FRMD3: variants seen among roughly 807,000 people sequenced by gnomAD.
FRMD3 encodes the protein FERM domain containing 3.
Under a neutral mutation model 70.2 loss-of-function variants are expected in FRMD3, and 33 were observed. That is an observed-to-expected ratio of 0.47 (90% CI 0.36 to 0.63). FRMD3 has a LOEUF of 0.63. FRMD3 is among the 20% of genes least tolerant of loss of function. The pLI, the probability that FRMD3 is intolerant of heterozygous loss-of-function variation, is 0.00. For missense variants in FRMD3, 632 were observed against 711.4 expected, an observed-to-expected ratio of 0.89 and a Z score of 1.27; for synonymous variants, 279 against 255.9, an observed-to-expected ratio of 1.09 and a Z score of -0.86.
intron 1 of FRMD3, among the ~76,000 whole-genome samples, chr9:83,507,211 A>G (rs141517447): frequency 0.013 from 2,046 of 151,780 alleles, 58 homozygotes; most frequent in African/African-American, 0.047. Context: ...TACTAAAAAT[A>G]CAAAAATTAG....
chr9:83,472,050 T>G (rs779673279), intron 1 of FRMD3, among the ~76,000 whole-genome samples: 1 of 152,196 alleles, frequency 6.6e-6, no homozygotes, highest in Non-Finnish European at 1.5e-5. Flanking sequence ...GAACATTCAT[T>G]TGCTCATTCA....
At chr9:83,327,109 G>A (rs1208228972) in intron 6 of FRMD3, among the ~76,000 whole-genome samples, 1 of 152,208 alleles carries the variant, frequency 6.6e-6, no homozygotes, top group African/African-American at 2.4e-5. Context: ...AGGGAAGGGA[G>A]TGGTTCTGGT....
At chr9:83,399,767 C>T (rs1052664692) in intron 1 of FRMD3, among the ~76,000 whole-genome samples, 2 of 152,020 alleles carry the variant, frequency 1.3e-5, no homozygotes, top group Admixed American at 6.6e-5. Flanking sequence ...AAATAACTTC[C>T]TCAACTTGAT....
intron 3 of FRMD3, among the ~76,000 whole-genome samples, chr9:83,368,319 T>TTTTTATTTTA (rs4011703): frequency 4.0e-5 from 6 of 149,718 alleles, no homozygotes; most frequent in African/African-American, 1.2e-4. Context: ...GTTAATATAT[T>TTTTTATTTTA]TTTTATTTTA....
intron 1 of FRMD3, among the ~76,000 whole-genome samples, chr9:83,430,143 C>G (rs1826929564): frequency 6.6e-6 from 1 of 152,206 alleles, no homozygotes; most frequent in Non-Finnish European, 1.5e-5. Flanking sequence ...GGTCTCAACA[C>G]CTCTAGTTGA....
intron 13 of FRMD3, among the ~76,000 whole-genome samples, chr9:83,263,527 T>G (rs1408576573): frequency 6.6e-6 from 1 of 152,116 alleles, no homozygotes; most frequent in Admixed American, 6.5e-5. Context: ...CCCACCAAAG[T>G]CAGGAACATT....
chr9:83,403,425 T>G (rs1187983256), intron 1 of FRMD3, among the ~76,000 whole-genome samples: 1 of 152,088 alleles, frequency 6.6e-6, no homozygotes, highest in Non-Finnish European at 1.5e-5. Flanking sequence ...GGATAATGTT[T>G]TAAAGGGGCT....
chr9:83,538,548 C>T, upstream of FRMD3: 1 of 231,416 alleles, frequency 4.3e-6, no homozygotes, highest in African/African-American at 2.3e-5. The surrounding 1 kb of genome is among the most constrained non-coding windows in gnomAD (Gnocchi z 4.7). Context: ...GGGCTCGCGA[C>T]GCACTCACTC....
At chr9:83,357,233 TATATA>T (rs1564032335) in intron 3 of FRMD3, among the ~76,000 whole-genome samples, 3,358 of 14,874 alleles carry the variant, frequency 0.23, 608 homozygotes, top group African/African-American at 0.35. Flanking sequence ...ATTTTATATA[TATATA>T]ATACATACAT....
At chr9:83,275,540 TGAA>T (rs1833767164) in intron 13 of FRMD3, among the ~76,000 whole-genome samples, 1 of 152,126 alleles carries the variant, frequency 6.6e-6, no homozygotes, top group Non-Finnish European at 1.5e-5. Flanking sequence ...AAGGGAAAAG[TGAA>T]GAAGCCACAA....
At chr9:83,256,435 A>G (rs1832712527) in intron 13 of FRMD3, among the ~76,000 whole-genome samples, 1 of 152,244 alleles carries the variant, frequency 6.6e-6, no homozygotes, top group Non-Finnish European at 1.5e-5. Flanking sequence ...AAATCTAGGC[A>G]ACACCATCCA....
chr9:83,567,208 G>A, the FRMD3 span, among the ~76,000 whole-genome samples: 1 of 152,230 alleles, frequency 6.6e-6, no homozygotes, highest in African/African-American at 2.4e-5. Context: ...TCCACCCTCT[G>A]AAGCCACGGT....
chr9:83,313,803 G>T, intron 6 of FRMD3, 56 bp from the exon 7 acceptor site: 1 of 1,286,134 alleles, frequency 7.8e-7, no homozygotes, highest in Non-Finnish European at 1.1e-6. Flanking sequence ...TAGAAACTCG[G>T]AATCCCTTCA....
Position 83,357,112 on chromosome 9 carries a change from T to C in FRMD3, c.296-7355A>G, listed in dbSNP as rs545727526. ...GGTGTATATATATATCTATCCATCA[T>C]GGTAATATATATATTACATTATATA... On this transcript the variant is annotated intron_variant, in intron 3 of 13. Transcript: ENST00000304195. Among the ~76,000 whole-genome samples, 107 of 131,818 alleles carry C rather than the reference T, an allele frequency of 8.1e-4. 1 individual carries two copies. Among genetic ancestry groups the C allele is most frequent in the African/African-American group, 3.6e-3 (100 of 27,494 alleles). 86.5% of individuals were successfully genotyped at this position (131,818 alleles called of 152,430 possible). A position where few individuals can be genotyped will look rare whatever the true frequency, so the allele number is the denominator to read the frequency against.
chr9:83,569,064 C>T, the FRMD3 span, among the ~76,000 whole-genome samples: 1 of 151,842 alleles, frequency 6.6e-6, no homozygotes, highest in East Asian at 1.9e-4. Context: ...TAGGATTAAC[C>T]CTTCAATTTC....
intron 1 of FRMD3, among the ~76,000 whole-genome samples, chr9:83,455,907 A>G (rs1827804913): frequency 6.6e-6 from 1 of 152,252 alleles, no homozygotes; most frequent in African/African-American, 2.4e-5. Flanking sequence ...TTCCATAATC[A>G]TTAAAAATAT....
At chr9:83,313,917 T>C (rs1386326103) in intron 6 of FRMD3, among the ~76,000 whole-genome samples, 170 bp from the exon 7 acceptor site, 2 of 152,182 alleles carry the variant, frequency 1.3e-5, no homozygotes, top group Admixed American at 1.3e-4. Context: ...AGTCCTTTAC[T>C]AAGGAACCCG....
chr9:83,340,650 G>A (rs1194056820), intron 5 of FRMD3, among the ~76,000 whole-genome samples: 1 of 152,210 alleles, frequency 6.6e-6, no homozygotes, highest in Non-Finnish European at 1.5e-5. Flanking sequence ...TAGATCCCAA[G>A]GATTCTGTGT....
intron 2 of FRMD3, among the ~76,000 whole-genome samples, chr9:83,377,149 T>C (rs1205611447): frequency 6.6e-6 from 1 of 152,174 alleles, no homozygotes; most frequent in Non-Finnish European, 1.5e-5. Context: ...AGCCAGAAAT[T>C]GGGAAAGTTT....
Sources: allele counts gnomAD v4.1 joint callset (sites outside exome capture counted in the v4.1 genomes callset), GRCh38; gene constraint gnomAD v4.1.1; non-coding constraint Gnocchi (gnomAD v3.1); transcripts MANE v1.5; gene names NCBI Gene and HGNC (gene_info 2026-07-23, HGNC 2026-07-21).